The following PCDHGB6 variants were observed in gnomAD, a reference collection of about 807,000 sequenced individuals.
PCDHGB6 encodes protocadherin gamma subfamily B, 6.
PCDHGB6 carries 51 observed loss-of-function variants against 59.1 expected under a neutral mutation model. That is an observed-to-expected ratio of 0.86 (90% CI 0.69 to 1.09). PCDHGB6 has a LOEUF of 1.09. Among genes scored for constraint, PCDHGB6 ranks in the 50% least tolerant of loss-of-function variants. The pLI is 0.00. For synonymous variants in PCDHGB6, 466 were observed against 495.1 expected (o/e 0.94, Z 0.78); for missense variants, 1,148 against 1,205.1 (o/e 0.95, Z 0.70).
chr5:141,426,722 T>G (rs1022367359), intron 1 of PCDHGB6: 1 of 447,734 alleles, frequency 2.2e-6, no homozygotes, highest in Non-Finnish European at 4.6e-6. Context: ...AACTAGCAAT[T>G]CCAGGCATTC....
chr5:141,485,242 C>A lies in PCDHGB6; in HGVS notation c.2419-9565C>A, dbSNP rs747029550. ...CTACCCTTTTGTTCCTCTTTTACCA[C>A]CTGGGTTACGTTTGTGGGCAGATCC... On this transcript the variant is annotated intron_variant, in intron 1 of 3. Transcript: ENST00000520790. This position sits in a 1 kb window ranked among gnomAD's most constrained non-coding sequence, Gnocchi z 5.7. 7.4e-5 allele frequency: 119 copies of A among 1,614,054 alleles called. No individual in the cohort carries two copies. The highest frequency in any genetic ancestry group is 3.3e-4 in the Middle Eastern group (2 of 6,084).
At position 141,494,781 on chromosome 5, in the gene PCDHGB6, C is replaced by A. The variant is rs145360252; in HGVS notation, c.2419-26C>A. On this transcript the variant is annotated intron_variant, in intron 1 of 3. Coordinates refer to ENST00000520790, the MANE Select transcript of PCDHGB6 (RefSeq NM_018926.3). ...ATTCTAACTTCTCACGGGTACTCAG[C>A]CCCTTTCCCTCTGTTTTCTCCACAG... 6,156 of 1,614,074 alleles carry A rather than the reference C, an allele frequency of 3.8e-3. 13 individuals are homozygous for A. Among genetic ancestry groups the A allele is most frequent in the Middle Eastern group, 8.1e-3 (49 of 6,062 alleles).
rs984222446 is a variant in PCDHGB6 at position 141,493,942 on chromosome 5, G to T, written c.2419-865G>T. ...ACACACCCCCTGGAAAGACCAGAAG[G>T]GACTCAGGAATGAAGTGGCTGGCCA... On this transcript the variant is annotated intron_variant, in intron 1 of 3. Transcript: ENST00000520790. The surrounding 1 kb of genome is among the most constrained non-coding windows in gnomAD (Gnocchi z 4.3). Among the ~76,000 whole-genome samples the T allele has an allele frequency of 1.3e-5, 2 of 152,168 alleles. No individual in the cohort carries two copies. Among genetic ancestry groups the T allele is most frequent in the Non-Finnish European group, 1.5e-5 (1 of 68,022 alleles).
At chr5:141,422,758 A>C (rs1237677806) in intron 1 of PCDHGB6, 3 of 1,613,032 alleles carry the variant, frequency 1.9e-6, no homozygotes, top group Non-Finnish European at 2.5e-6. Flanking sequence ...TATTAACTCC[A>C]ACACTGGTGT....
At position 141,431,427 on chromosome 5, in the gene PCDHGB6, C is replaced by G. The variant is rs1269666597; in HGVS notation, c.2418+20807C>G. The stretch of plus-strand genomic sequence containing the variant: ...TCCGACGGGGGCGACCCGGTGCGCA[C>G]AGGCACCGCGCGCATCCGCGTGATG... On this transcript the variant is annotated intron_variant, in intron 1 of 3. Transcript: ENST00000520790. The surrounding 1 kb of genome is among the most constrained non-coding windows in gnomAD (Gnocchi z 4.8). 1.2e-6 allele frequency: 2 copies of G among 1,613,584 alleles called. No homozygotes were observed.
At chr5:141,413,606 T>C (rs756987695) in intron 1 of PCDHGB6, 1 of 1,613,848 alleles carries the variant, frequency 6.2e-7, no homozygotes, top group Admixed American at 1.7e-5. Context: ...AATCTAGACG[T>C]AAAAATTAAT....
rs1342473418 is a variant in PCDHGB6, at chr5:141,477,702, A to G, written c.2419-17105A>G. On this transcript the variant is annotated intron_variant, in intron 1 of 3. Transcript: ENST00000520790. The surrounding 1 kb of genome is among the most constrained non-coding windows in gnomAD (Gnocchi z 4.9). Reference sequence around the variant, plus strand: ...TCCTTAGTGCCCCTAGACTATGAGGATCGGCGGGAATTTGAATTAACAGCT... The same window carrying G: ...TCCTTAGTGCCCCTAGACTATGAGGGTCGGCGGGAATTTGAATTAACAGCT... The G allele has an allele frequency of 1.9e-6, 3 of 1,613,924 alleles. No individual in the cohort carries two copies. Among genetic ancestry groups the G allele is most frequent in the Non-Finnish European group, 2.5e-6 (3 of 1,180,044 alleles).
chr5:141,428,546 A>C (rs1476382847), intron 1 of PCDHGB6: 1 of 263,642 alleles, frequency 3.8e-6, no homozygotes, highest in Non-Finnish European at 7.5e-6. Flanking sequence ...ATGACACCAG[A>C]AACAGTCCCC....
chr5:141,421,404 G>A, intron 1 of PCDHGB6: 17 of 1,614,080 alleles, frequency 1.1e-5, no homozygotes, highest in Non-Finnish European at 1.4e-5. Flanking sequence ...AGCCCCGGGA[G>A]CTGGCGAAGC....
intron 1 of PCDHGB6, among the ~76,000 whole-genome samples, chr5:141,435,134 A>G (rs1190517186): frequency 6.6e-6 from 1 of 152,190 alleles, no homozygotes; most frequent in Non-Finnish European, 1.5e-5. Context: ...GAAAATATAA[A>G]TAAAATTGTG....
intron 2 of PCDHGB6, among the ~76,000 whole-genome samples, chr5:141,499,133 T>C (rs1443866975): frequency 6.6e-6 from 1 of 152,184 alleles, no homozygotes; most frequent in East Asian, 1.9e-4. Context: ...GGTCATCCTT[T>C]GGGTGTCTGA....
Position 141,408,587 on chromosome 5 carries a change from C to A in PCDHGB6, c.385C>A (p.His129Asn), listed in dbSNP as rs768912219. 3 of 1,613,898 alleles carry A rather than the reference C, an allele frequency of 1.9e-6. No homozygotes were observed. The South Asian group carries it at 3.3e-5, about 18-fold the overall frequency. ...VIVVIEDVND[H>N]APQFDKKEIH... ...TGTGGTGATTGAGGATGTTAATGACCACGCCCCTCAATTTGATAAAAAGGA... is the reference window on the plus strand; with the variant it reads ...TGTGGTGATTGAGGATGTTAATGACAACGCCCCTCAATTTGATAAAAAGGA... The change falls in exon 1 of 4, where the codon CAC becomes AAC. Residue 129 changes from histidine to asparagine, a missense_variant. By Grantham distance (68) the His-to-Asn change is moderately conservative. Around this residue, in one of 5 missense-constraint regions of PCDHGB6, gnomAD observed 307 missense variants for 323.8 expected, o/e 0.95. Transcript: ENST00000520790.
At chr5:141,463,401 A>T (rs57406832) in intron 1 of PCDHGB6, among the ~76,000 whole-genome samples, 25,027 of 149,108 alleles carry the variant, frequency 0.17, 2,158 homozygotes, top group South Asian at 0.22. Context: ...GGCAAAAAAA[A>T]TGGAGATCCT....
chr5:141,491,071 C>T lies in PCDHGB6; in HGVS notation c.2419-3736C>T, dbSNP rs987564933. 1 of 1,614,152 alleles carries T rather than the reference C, an allele frequency of 6.2e-7. No individual in the cohort carries two copies. Among genetic ancestry groups the T allele is most frequent in the Non-Finnish European group, 8.5e-7 (1 of 1,180,028 alleles). ...TGCGTGGCTCTCCTACTCACTGTTGCCACAGTCCACAGCCCCAGGACTGTT... is the reference window on the plus strand; with the variant it reads ...TGCGTGGCTCTCCTACTCACTGTTGTCACAGTCCACAGCCCCAGGACTGTT... On this transcript the variant is annotated intron_variant, in intron 1 of 3. Transcript: ENST00000520790. This position sits in a 1 kb window ranked among gnomAD's most constrained non-coding sequence, Gnocchi z 6.9.
intron 3 of PCDHGB6, among the ~76,000 whole-genome samples, chr5:141,509,422 G>A (rs1181133903): frequency 3.3e-5 from 5 of 152,136 alleles, no homozygotes; most frequent in Non-Finnish European, 5.9e-5. Flanking sequence ...GCCCCAATGA[G>A]TCAAACTCTT....
In PCDHGB6 at chr5:141,491,652, G is replaced by A. The variant is rs370043428; in HGVS notation, c.2419-3155G>A. ...AGCAGCCCACAGCTCTGGCGCTGGAGCCTGACGCCATCCGGTCCCGCTCTA... is the reference window on the plus strand; with the variant it reads ...AGCAGCCCACAGCTCTGGCGCTGGAACCTGACGCCATCCGGTCCCGCTCTA... On this transcript the variant is annotated intron_variant, in intron 1 of 3. Transcript: ENST00000520790. This position sits in a 1 kb window ranked among gnomAD's most constrained non-coding sequence, Gnocchi z 6.9. 2 of 1,613,726 alleles carry A rather than the reference G, an allele frequency of 1.2e-6. No homozygotes were observed. Among genetic ancestry groups the A allele is most frequent in the African/African-American group, 1.3e-5 (1 of 74,944 alleles).
In PCDHGB6 at chr5:141,486,329, A is replaced by C. The variant is rs1045072240; in HGVS notation, c.2419-8478A>C. 1.2e-6 allele frequency: 2 copies of C among 1,613,882 alleles called. No individual in the cohort carries two copies. Among genetic ancestry groups the C allele is most frequent in the African/African-American group, 2.7e-5 (2 of 74,866 alleles). ...AGACTCAGGGTCAAACGGAGATGTG[A>C]GCCTCCGCATTCCTGACCACTTGCC... On this transcript the variant is annotated intron_variant, in intron 1 of 3. Transcript: ENST00000520790. The surrounding 1 kb of genome is among the most constrained non-coding windows in gnomAD (Gnocchi z 5.0).
At chr5:141,478,526 G>A (rs1402123535) in intron 1 of PCDHGB6, 1 of 1,609,906 alleles carries the variant, frequency 6.2e-7, no homozygotes, top group Admixed American at 1.7e-5. Context: ...GTTGGGTGCA[G>A]AGAGCGCCCC....
chr5:141,500,186 T>A (rs1008615587), intron 2 of PCDHGB6, among the ~76,000 whole-genome samples: 7 of 99,362 alleles, frequency 7.0e-5, no homozygotes, highest in African/African-American at 3.5e-4. Flanking sequence ...ATTTTTATTT[T>A]TATTTATTTA....
Sources: allele counts gnomAD v4.1 joint callset (sites outside exome capture counted in the v4.1 genomes callset), GRCh38; gene constraint gnomAD v4.1.1; regional missense constraint gnomAD v4.1.1; non-coding constraint Gnocchi (gnomAD v3.1); transcripts MANE v1.5; gene names NCBI Gene and HGNC (gene_info 2026-07-23, HGNC 2026-07-21).